The following DBT variants were observed in gnomAD, a reference collection of about 807,000 sequenced individuals.
DBT encodes lipoamide acyltransferase component of branched-chain alpha-keto acid dehydrogenase complex, mitochondrial.
A neutral mutation model predicts 51.3 loss-of-function variants in DBT; 40 were observed. The ratio of observed to expected loss-of-function variants is 0.78; its 90% CI spans 0.61 to 1.02. DBT has a LOEUF of 1.02. Ranked by LOEUF, DBT falls within the 50% of genes least tolerant of loss-of-function variation. DBT has a pLI of 0.00. For synonymous variants in DBT, 181 were observed against 190.4 expected (o/e 0.95, Z 0.41); for missense variants, 510 against 580.2 (o/e 0.88, Z 1.24).
intron 4 of DBT, among the ~76,000 whole-genome samples, chr1:100,228,526 C>T (rs1298476131): frequency 2.0e-5 from 3 of 152,220 alleles, no homozygotes; most frequent in South Asian, 2.1e-4. Flanking sequence ...CAGGAGGATG[C>T]GGCCAGCAGA....
chr1:100,197,584 C>T (rs558022953), intron 10 of DBT, among the ~76,000 whole-genome samples: 17 of 152,232 alleles, frequency 1.1e-4, no homozygotes, highest in Admixed American at 7.2e-4. Flanking sequence ...TAAAGAAAAG[C>T]GGTGAGAACT....
intron 8 of DBT, chr1:100,210,482 A>G: frequency 5.1e-6 from 3 of 593,382 alleles, no homozygotes; most frequent in South Asian, 2.6e-5. Flanking sequence ...GAAAAAAAAA[A>G]GCTTAAAAAT....
At chr1:100,241,938 T>C (rs1376445701) in intron 1 of DBT, among the ~76,000 whole-genome samples, 4 of 151,942 alleles carry the variant, frequency 2.6e-5, no homozygotes, top group African/African-American at 9.7e-5. Context: ...GGAGAATCGC[T>C]TGAATGCGGG....
Position 100,196,326 on chromosome 1 carries a change from T to C in DBT, c.1378A>G (p.Met460Val), listed in dbSNP as rs920522955. Reference protein sequence around the residue: ...ADHRVIDGATMSRFSNLWKSY... With the variant: ...ADHRVIDGATVSRFSNLWKSY... ...TTCCACAAATTGGAGAAGCGTGACA[T>C]TGTAGCACCATCAATAACTCTGTGA... Residue 460 changes from methionine (M) to valine (V), a missense_variant, in exon 11 of 11, where the codon ATG becomes GTG. By Grantham distance (21) the Met-to-Val change is conservative. Transcript: ENST00000370132. 1.2e-6 allele frequency: 2 copies of C among 1,612,056 alleles called. No individual in the cohort carries two copies. Among genetic ancestry groups the C allele is most frequent in the African/African-American group, 2.7e-5 (2 of 74,038 alleles).
chr1:100,189,786 T>C lies in DBT; in HGVS notation c.*6469A>G, dbSNP rs1023347013. On this transcript the variant is annotated 3_prime_UTR_variant, in exon 11 of 11. Transcript: ENST00000370132. ...TTTGCCATTAGAGAAGGGAGTTCTT[T>C]GTTTTTCGTTTGTTTTAGGGACTAT... 6.6e-6 allele frequency: 1 copy of C among 152,226 alleles called. No individual in the cohort carries two copies. Among genetic ancestry groups the C allele is most frequent in the Non-Finnish European group, 1.5e-5 (1 of 68,026 alleles). 9.4% of individuals were successfully genotyped at this position (152,226 alleles called of 1,614,324 possible). A position where few individuals can be genotyped will look rare whatever the true frequency, so the allele number is the denominator to read the frequency against.
chr1:100,233,475 C>T (rs955821012), intron 3 of DBT, among the ~76,000 whole-genome samples: 4 of 152,190 alleles, frequency 2.6e-5, no homozygotes, highest in Admixed American at 1.3e-4. Context: ...TTATAGAACA[C>T]AATTCTGCCC....
rs1415263114 is a variant in DBT, at chr1:100,188,224, T to C, written c.*8031A>G. 6.6e-6 allele frequency: 1 copy of C among 152,240 alleles called. No individual in the cohort carries two copies. The highest frequency in any genetic ancestry group is 2.4e-5 in the African/African-American group (1 of 41,462). The allele number at this position is 152,240 out of a possible 1,614,324, so 9.4% of individuals were successfully genotyped here. A position where few individuals can be genotyped will look rare whatever the true frequency, so the allele number is the denominator to read the frequency against. On this transcript the variant is annotated 3_prime_UTR_variant, in exon 11 of 11. Transcript: ENST00000370132. ...CATTTGAATATCTAATGTTTCAAAC[T>C]GTTAGTCCTGTTCTGATTTATATTC...
In DBT at chr1:100,196,010, T is replaced by C; in HGVS notation, c.*245A>G. 1 of 535,758 alleles carries C rather than the reference T, an allele frequency of 1.9e-6. No homozygotes were observed. The highest frequency in any genetic ancestry group is 3.3e-6 in the Non-Finnish European group (1 of 300,018). The allele number at this position is 535,758 out of a possible 1,614,324, so 33.2% of individuals were successfully genotyped here. A position where few individuals can be genotyped will look rare whatever the true frequency, so the allele number is the denominator to read the frequency against. Reference sequence around the variant, plus strand: ...GTTTCAAGCCATTGACACAAAAACATCAGCACCATATTAAGAAGTCACACT... The same window carrying C: ...GTTTCAAGCCATTGACACAAAAACACCAGCACCATATTAAGAAGTCACACT... On this transcript the variant is annotated 3_prime_UTR_variant, in exon 11 of 11. Transcript: ENST00000370132.
intron 8 of DBT, among the ~76,000 whole-genome samples, chr1:100,208,901 A>G (rs1661957876): frequency 7.8e-6 from 1 of 128,578 alleles, no homozygotes; most frequent in Non-Finnish European, 1.6e-5. Context: ...ACAGAGCAAG[A>G]CTCTGTATCA....
intron 1 of DBT, among the ~76,000 whole-genome samples, chr1:100,243,811 A>G (rs1233141887): frequency 6.6e-6 from 1 of 152,112 alleles, no homozygotes; most frequent in Non-Finnish European, 1.5e-5. Flanking sequence ...AATAATCCCT[A>G]ATTTCAAAGA....
chr1:100,239,995 C>G (rs1224042997), intron 2 of DBT, among the ~76,000 whole-genome samples: 2 of 151,770 alleles, frequency 1.3e-5, no homozygotes, highest in Admixed American at 6.6e-5. Context: ...TAACAAAAGT[C>G]TAGGGTTCTT....
chr1:100,242,274 ACAT>A (rs1185420388), intron 1 of DBT, among the ~76,000 whole-genome samples: 1 of 152,050 alleles, frequency 6.6e-6, no homozygotes, highest in African/African-American at 2.4e-5. Flanking sequence ...GTTATAATAA[ACAT>A]CATATAGTAC....
intron 5 of DBT, among the ~76,000 whole-genome samples, chr1:100,217,917 C>T (rs1286383510): frequency 8.0e-6 from 1 of 124,690 alleles, no homozygotes; most frequent in Non-Finnish European, 1.7e-5. Context: ...AATTCTGGCT[C>T]TTGCTATGTT....
At chr1:100,240,984 C>T (rs1332888195) in intron 1 of DBT, 100 bp from the exon 2 acceptor site, 2 of 1,161,786 alleles carry the variant, frequency 1.7e-6, no homozygotes, top group Non-Finnish European at 2.5e-6. Context: ...AAAGTAGAAC[C>T]ATTGTCACAA....
intron 2 of DBT, among the ~76,000 whole-genome samples, chr1:100,239,715 T>C (rs1664094708): frequency 6.6e-6 from 1 of 151,682 alleles, no homozygotes; most frequent in Non-Finnish European, 1.5e-5. Context: ...ATAAATAAAT[T>C]AGCCAGGTGT....
At chr1:100,226,786 A>G (rs1380703087) in intron 4 of DBT, among the ~76,000 whole-genome samples, 1 of 152,214 alleles carries the variant, frequency 6.6e-6, no homozygotes, top group Non-Finnish European at 1.5e-5. Flanking sequence ...AAGCTTTTAA[A>G]AGTTAACAGG....
At chr1:100,213,753 A>C in intron 7 of DBT, 1 of 1,533,682 alleles carries the variant, frequency 6.5e-7, no homozygotes, top group South Asian at 1.3e-5. Flanking sequence ...TATTTGATTA[A>C]GCTTCAGGAC....
At position 100,194,011 on chromosome 1, in the gene DBT, T is replaced by C. The variant is rs1660937083; in HGVS notation, c.*2244A>G. ...AAATAATAAAATAGTAGATATGCTA[T>C]GATCATGTTTTAACAAAAAAGAATA... is the stretch of plus-strand genomic sequence containing the variant. On this transcript the variant is annotated 3_prime_UTR_variant, in exon 11 of 11. Coordinates refer to ENST00000370132, the MANE Select transcript of DBT (RefSeq NM_001918.5). 2.0e-5 allele frequency: 3 copies of C among 152,254 alleles called. No individual in the cohort carries two copies. The highest frequency in any genetic ancestry group is 4.1e-4 in the South Asian group (2 of 4,836). 9.4% of individuals were successfully genotyped at this position (152,254 alleles called of 1,614,324 possible).
chr1:100,200,015 C>A (rs1661348912), intron 10 of DBT, among the ~76,000 whole-genome samples: 1 of 150,764 alleles, frequency 6.6e-6, no homozygotes. Context: ...TTTTTTTTTT[C>A]ATACCCCAGT....
Sources: gnomAD v4.1 joint callset for allele counts (sites outside exome capture counted in the v4.1 genomes callset) on GRCh38, gnomAD v4.1.1 for gene constraint, MANE v1.5 for transcripts, NCBI Gene and HGNC (gene_info 2026-07-23, HGNC 2026-07-21) for gene names.